The following REEP3 variants were observed in gnomAD, a reference collection of about 807,000 sequenced individuals.
REEP3 encodes the protein receptor accessory protein 3.
A neutral mutation model predicts 41.3 loss-of-function variants in REEP3; 20 were observed. The ratio of observed to expected loss-of-function variants is 0.48; its 90% CI spans 0.34 to 0.70. REEP3 has a LOEUF of 0.70. Ranked by LOEUF, REEP3 falls within the 30% of genes least tolerant of loss-of-function variation. The pLI, the probability that REEP3 is intolerant of heterozygous loss-of-function variation, is 0.01. For synonymous variants in REEP3, 104 were observed against 101.8 expected (o/e 1.02, Z -0.13); for missense variants, 271 against 308.8 (o/e 0.88, Z 0.92).
At chr10:63,540,090 G>C (rs1380019380) in intron 1 of REEP3, among the ~76,000 whole-genome samples, 1 of 152,154 alleles carries the variant, frequency 6.6e-6, no homozygotes, top group Admixed American at 6.5e-5. Context: ...AAGCTTAACA[G>C]TAAGCAACAT....
At chr10:63,537,101 TA>T (rs1409533849) in intron 1 of REEP3, among the ~76,000 whole-genome samples, 2 of 152,212 alleles carry the variant, frequency 1.3e-5, no homozygotes, top group African/African-American at 4.8e-5. Context: ...TGAAAAATAA[TA>T]GTTTACGTGG....
chr10:63,531,668 AT>A (rs1219266402), intron 1 of REEP3, among the ~76,000 whole-genome samples: 1 of 152,234 alleles, frequency 6.6e-6, no homozygotes, highest in African/African-American at 2.4e-5. Flanking sequence ...ACTGGGCAGC[AT>A]AAAAATAGAA....
At chr10:63,556,359 T>A (rs1196281194) in intron 1 of REEP3, among the ~76,000 whole-genome samples, 1 of 151,788 alleles carries the variant, frequency 6.6e-6, no homozygotes, top group Non-Finnish European at 1.5e-5. Context: ...TGACCTCAAA[T>A]GATCCGCCCA....
intron 1 of REEP3, among the ~76,000 whole-genome samples, chr10:63,524,105 C>T (rs1955334248): frequency 6.6e-6 from 1 of 152,178 alleles, no homozygotes; most frequent in Admixed American, 6.5e-5. Flanking sequence ...GAGCCGTGAA[C>T]ACATTAGCAC....
At chr10:63,564,053 G>T (rs1293397583) in intron 1 of REEP3, among the ~76,000 whole-genome samples, 1 of 152,104 alleles carries the variant, frequency 6.6e-6, no homozygotes, top group African/African-American at 2.4e-5. Flanking sequence ...AAAAACTAAG[G>T]AAACCTAAAT....
intron 6 of REEP3, among the ~76,000 whole-genome samples, chr10:63,612,174 T>A (rs1288708996): frequency 6.6e-6 from 1 of 152,016 alleles, no homozygotes; most frequent in Non-Finnish European, 1.5e-5. Context: ...TTTGTTTTTG[T>A]TGTTAATTTA....
chr10:63,533,058 TTATA>T (rs1260812317), intron 1 of REEP3, among the ~76,000 whole-genome samples: 1 of 152,194 alleles, frequency 6.6e-6, no homozygotes, highest in African/African-American at 2.4e-5. Context: ...GAGGAAAACT[TTATA>T]ACGTCTAAAA....
chr10:63,531,429 A>G (rs1157227562), intron 1 of REEP3, among the ~76,000 whole-genome samples: 1 of 152,226 alleles, frequency 6.6e-6, no homozygotes, highest in Non-Finnish European at 1.5e-5. Context: ...TGGAATTGAC[A>G]TATGTCACCT....
rs1956369903 is a variant in REEP3, at chr10:63,623,426, G to T, written c.*2557G>T. On this transcript the variant is annotated 3_prime_UTR_variant, in exon 8 of 8. Coordinates refer to ENST00000373758, the MANE Select transcript of REEP3 (RefSeq NM_001001330.3). Reference sequence around the variant, plus strand: ...TTTAAAAGAGGTAAATGTATCCATAGACCACAGTGCCTTGCTTTTTCCTCT... The same window carrying T: ...TTTAAAAGAGGTAAATGTATCCATATACCACAGTGCCTTGCTTTTTCCTCT... 2 of 152,084 alleles carry T rather than the reference G, an allele frequency of 1.3e-5. No individual in the cohort carries two copies. The highest frequency in any genetic ancestry group is 1.3e-4 in the Admixed American group (2 of 15,276). 9.4% of individuals were successfully genotyped at this position (152,084 alleles called of 1,614,324 possible).
intron 2 of REEP3, among the ~76,000 whole-genome samples, chr10:63,575,822 C>T (rs984515565): frequency 6.6e-6 from 1 of 152,212 alleles, no homozygotes; most frequent in Non-Finnish European, 1.5e-5. Context: ...CAACCTCTGC[C>T]TCCCAGGTTC....
intron 2 of REEP3, among the ~76,000 whole-genome samples, chr10:63,583,405 C>G (rs1185304029): frequency 6.6e-6 from 1 of 152,196 alleles, no homozygotes; most frequent in Non-Finnish European, 1.5e-5. Context: ...AGTATGCTGT[C>G]AAACCTACTA....
At chr10:63,569,955 CAAT>C (rs1955838190) in intron 2 of REEP3, among the ~76,000 whole-genome samples, 3 of 151,828 alleles carry the variant, frequency 2.0e-5, no homozygotes, top group African/African-American at 7.2e-5. Context: ...AAAATACTAA[CAAT>C]AATAATAAAA....
intron 1 of REEP3, among the ~76,000 whole-genome samples, chr10:63,564,467 A>G (rs1955777056): frequency 6.6e-6 from 1 of 151,946 alleles, no homozygotes; most frequent in Non-Finnish European, 1.5e-5. Context: ...TACTAAAAAT[A>G]CAAAAATTGG....
At chr10:63,538,159 C>A (rs2133347796) in intron 1 of REEP3, among the ~76,000 whole-genome samples, 1 of 152,314 alleles carries the variant, frequency 6.6e-6, no homozygotes, top group Non-Finnish European at 1.5e-5. Flanking sequence ...CTTCACTCCA[C>A]AGCTTCTGCT....
chr10:63,589,785 C>CTTTTTTTTTT lies in REEP3; in HGVS notation c.106-4976_106-4967dup, dbSNP rs59658061. Reference sequence around the variant, plus strand: ...TAATGTACTAAGAACAGCAGAACATCTTTTTTTTTTTTTTTTTTTTTTTTT... The same window carrying CTTTTTTTTTT: ...TAATGTACTAAGAACAGCAGAACATCTTTTTTTTTTTTTTTTTTTTTTTTTTTTTTTTTTT... On this transcript the variant is annotated intron_variant, in intron 2 of 7. Transcript: ENST00000373758. 1.8e-3 allele frequency among the ~76,000 whole-genome samples: 143 copies of CTTTTTTTTTT among 80,834 alleles called. 19 individuals carry two copies. Among genetic ancestry groups the CTTTTTTTTTT allele is most frequent in the Middle Eastern group, 8.5e-3 (1 of 118 alleles). 53.0% of individuals were successfully genotyped at this position (80,834 alleles called of 152,430 possible). A position where few individuals can be genotyped will look rare whatever the true frequency, so the allele number is the denominator to read the frequency against.
intron 6 of REEP3, among the ~76,000 whole-genome samples, chr10:63,617,482 C>T (rs1956320330): frequency 6.6e-6 from 1 of 152,150 alleles, no homozygotes; most frequent in African/African-American, 2.4e-5. Context: ...TCACTGCAGC[C>T]TTGACTTCCC....
chr10:63,610,292 G>A lies in REEP3; in HGVS notation c.523G>A (p.Glu175Lys). The stretch of plus-strand genomic sequence containing the variant: ...ACAAAGACCATACCAACCTCTACCA[G>A]AAGCAAAAAAGAAAAGTAAACCAGC... Reference protein sequence around the residue: ...VGQRPYQPLPEAKKKSKPAPS... With the variant: ...VGQRPYQPLPKAKKKSKPAPS... The change falls in exon 6 of 8, where the codon GAA becomes AAA. Residue 175 changes from glutamate (E) to lysine (K), a missense_variant. Physicochemically the swap from Glu to Lys is moderately conservative, Grantham distance 56 (BLOSUM62 1). Coordinates refer to ENST00000373758, the MANE Select transcript of REEP3 (RefSeq NM_001001330.3). 6.4e-7 allele frequency: 1 copy of A among 1,572,056 alleles called. No individual in the cohort carries two copies. The highest frequency in any genetic ancestry group is 8.6e-7 in the Non-Finnish European group (1 of 1,156,916).
chr10:63,556,201 C>T (rs552432212), intron 1 of REEP3, among the ~76,000 whole-genome samples: 53 of 152,262 alleles, frequency 3.5e-4, no homozygotes, highest in East Asian at 5.8e-4. Flanking sequence ...CTGCAACCTC[C>T]GCTTCCCAGG....
rs1956382305 is a variant in REEP3, at chr10:63,624,591, T to G, written c.*3722T>G. ...TATTTGTGGCAATTCGCGTTTCTTT[T>G]TTTATGCCAGAGTACATATGTTGGA... On this transcript the variant is annotated 3_prime_UTR_variant, in exon 8 of 8. Transcript: ENST00000373758. 1 of 152,158 alleles carries G rather than the reference T, an allele frequency of 6.6e-6. No individual in the cohort carries two copies. The highest frequency in any genetic ancestry group is 1.5e-5 in the Non-Finnish European group (1 of 67,970). 9.4% of individuals were successfully genotyped at this position (152,158 alleles called of 1,614,324 possible).
Sources: gnomAD v4.1 joint callset for allele counts (sites outside exome capture counted in the v4.1 genomes callset) on GRCh38, gnomAD v4.1.1 for gene constraint, MANE v1.5 for transcripts, NCBI Gene and HGNC (gene_info 2026-07-23, HGNC 2026-07-21) for gene names.